The following ANO4 variants were observed in gnomAD, a reference collection of about 807,000 sequenced individuals.
ANO4 encodes anoctamin-4.
Under a neutral mutation model 141.9 loss-of-function variants are expected in ANO4, and 69 were observed. The observed-to-expected ratio is 0.49, with a 90% CI of 0.40 to 0.59. ANO4 has a LOEUF of 0.59. ANO4 is among the 20% of genes least tolerant of loss of function. The pLI is 0.00. For missense variants in ANO4, 894 were observed against 1,162.2 expected (o/e 0.77, Z 3.36); for synonymous variants, 350 against 394.3 (o/e 0.89, Z 1.33).
intron 26 of ANO4, among the ~76,000 whole-genome samples, chr12:101,123,561 A>C (rs1317774661): frequency 1.3e-5 from 2 of 151,694 alleles, no homozygotes; most frequent in Non-Finnish European, 2.9e-5. Flanking sequence ...ATAAGTGAGA[A>C]CATGTGGTAT....
chr12:100,966,753 T>G (rs1425455209), intron 5 of ANO4, among the ~76,000 whole-genome samples: 3 of 152,008 alleles, frequency 2.0e-5, no homozygotes, highest in Admixed American at 2.0e-4. Flanking sequence ...AATCATGAGA[T>G]GTGGAGATGT....
At position 100,964,905 on chromosome 12, in the gene ANO4, G is replaced by A. The variant is rs117206013; in HGVS notation, c.457-6401G>A. Among the ~76,000 whole-genome samples the A allele has an allele frequency of 1.8e-4, 28 of 152,140 alleles. No homozygotes were observed. The East Asian group carries it at 4.1e-3, about 22-fold the overall frequency. ...AAGCACATCATCAGAAGTATTACACGTCTATTTATTGAGGGTCTGTCTCCC... is the reference window on the plus strand; with the variant it reads ...AAGCACATCATCAGAAGTATTACACATCTATTTATTGAGGGTCTGTCTCCC... On this transcript the variant is annotated intron_variant, in intron 5 of 27. Transcript: ENST00000392977.
At chr12:101,057,195 T>C (rs1227663894) in intron 14 of ANO4, among the ~76,000 whole-genome samples, 1 of 152,158 alleles carries the variant, frequency 6.6e-6, no homozygotes, top group Non-Finnish European at 1.5e-5. Context: ...CATTCTTTTT[T>C]ATGGCTGCAT....
chr12:101,038,596 G>A (rs1036101787), intron 10 of ANO4: 5 of 152,168 alleles, frequency 3.3e-5, no homozygotes, highest in African/African-American at 1.2e-4. Context: ...AGTTTAACTT[G>A]ATTATATTAT....
At chr12:100,846,137 G>T (rs994366364) in intron 1 of ANO4, among the ~76,000 whole-genome samples, 2 of 152,196 alleles carry the variant, frequency 1.3e-5, no homozygotes, top group East Asian at 3.8e-4. Context: ...CTAGCAAGGC[G>T]TCTAGCACAT....
intron 1 of ANO4, among the ~76,000 whole-genome samples, chr12:100,856,253 A>G (rs2038164398): frequency 6.6e-6 from 1 of 152,186 alleles, no homozygotes; most frequent in Non-Finnish European, 1.5e-5. Flanking sequence ...GGTTTGAGAA[A>G]AGCATGCACT....
chr12:100,868,465 A>G (rs953727419), intron 1 of ANO4, among the ~76,000 whole-genome samples: 2 of 152,154 alleles, frequency 1.3e-5, no homozygotes, highest in Non-Finnish European at 2.9e-5. Context: ...TCCCTGTGGA[A>G]TAAGATTTTG....
intron 14 of ANO4, among the ~76,000 whole-genome samples, chr12:101,052,921 C>T (rs953843097): frequency 3.9e-5 from 6 of 152,150 alleles, no homozygotes. Context: ...GCCCAGGATT[C>T]CAGTAGCTGA....
chr12:101,088,343 C>CT (rs1431482771), intron 17 of ANO4, among the ~76,000 whole-genome samples: 1 of 152,068 alleles, frequency 6.6e-6, no homozygotes, highest in African/African-American at 2.4e-5. Context: ...CCTGGTCACT[C>CT]TGTTTTAAAT....
Position 100,920,608 on chromosome 12 carries a change from G to A in ANO4, c.56-1618G>A, listed in dbSNP as rs1360827884. 3.4e-5 allele frequency among the ~76,000 whole-genome samples: 5 copies of A among 149,118 alleles called. No homozygotes were observed. The Admixed American group carries it at 3.4e-4, about 10-fold the overall frequency. On this transcript the variant is annotated intron_variant, in intron 2 of 27. Coordinates refer to ENST00000392977, the MANE Select transcript of ANO4 (RefSeq NM_001286615.2). Reference sequence around the variant, plus strand: ...GCAGGAAGGCGTCTTTGTCTGTCCTGTCTAAGAAACTCTCATAAGTAGCTT... The same window carrying A: ...GCAGGAAGGCGTCTTTGTCTGTCCTATCTAAGAAACTCTCATAAGTAGCTT...
chr12:100,914,697 A>C (rs1183645768), intron 2 of ANO4, among the ~76,000 whole-genome samples: 2 of 152,152 alleles, frequency 1.3e-5, no homozygotes, highest in East Asian at 3.9e-4. Context: ...ATGGTTTCCA[A>C]TTTCATATTC....
intron 7 of ANO4, among the ~76,000 whole-genome samples, chr12:100,981,243 T>C (rs2044446376): frequency 6.6e-6 from 1 of 152,232 alleles, no homozygotes; most frequent in Admixed American, 6.5e-5. Flanking sequence ...CTCCAAATAG[T>C]ACCCCTGTGA....
intron 5 of ANO4, among the ~76,000 whole-genome samples, chr12:100,967,772 T>G (rs1190573094): frequency 6.6e-6 from 1 of 152,248 alleles, no homozygotes; most frequent in Non-Finnish European, 1.5e-5. Flanking sequence ...CTTTGTTTTC[T>G]AAAATATGAA....
At chr12:100,825,452 A>G (rs753185073) in intron 1 of ANO4, among the ~76,000 whole-genome samples, 1 of 152,042 alleles carries the variant, frequency 6.6e-6, no homozygotes, top group Admixed American at 6.6e-5. Flanking sequence ...AAAAAGGAAA[A>G]TCTGGAATTT....
intron 1 of ANO4, among the ~76,000 whole-genome samples, chr12:100,886,562 T>C (rs765363625): frequency 2.0e-5 from 3 of 152,066 alleles, no homozygotes; most frequent in Non-Finnish European, 4.4e-5. Context: ...TTAGTGACAA[T>C]ACCCACCACT....
chr12:100,758,090 T>C (rs549008260), intron 3 of ANO4, among the ~76,000 whole-genome samples: 1 of 152,306 alleles, frequency 6.6e-6, no homozygotes, highest in South Asian at 2.1e-4. Flanking sequence ...AGACTGGCAA[T>C]TGAGGGCCAT....
At chr12:100,777,927 T>A (rs1386133731) in intron 3 of ANO4, among the ~76,000 whole-genome samples, 3 of 151,136 alleles carry the variant, frequency 2.0e-5, no homozygotes, top group Non-Finnish European at 4.4e-5. Context: ...CAATTTTTTT[T>A]TTTTTTTTTT....
At chr12:100,939,934 AT>A (rs992606047) in intron 4 of ANO4, among the ~76,000 whole-genome samples, 1 of 151,850 alleles carries the variant, frequency 6.6e-6, no homozygotes, top group African/African-American at 2.4e-5. Context: ...AAAAATTAGT[AT>A]TTTTTTTGGA....
intron 7 of ANO4, among the ~76,000 whole-genome samples, chr12:100,986,953 T>C (rs1192070947): frequency 6.6e-6 from 1 of 152,140 alleles, no homozygotes; most frequent in East Asian, 1.9e-4. Flanking sequence ...CCTAGCACCA[T>C]GAGAACCATG....
Sources: gnomAD v4.1 joint callset for allele counts (sites outside exome capture counted in the v4.1 genomes callset) on GRCh38, gnomAD v4.1.1 for gene constraint, MANE v1.5 for transcripts, NCBI Gene and HGNC (gene_info 2026-07-23, HGNC 2026-07-21) for gene names.